ROBO2: variants seen among roughly 807,000 people sequenced by gnomAD.
The protein encoded by ROBO2 is roundabout guidance receptor 2.
In ROBO2, 53 loss-of-function variants were observed where a neutral mutation model predicts 160.8. The observed-to-expected ratio is 0.33, with a 90% confidence interval of 0.26 to 0.41. The LOEUF is 0.41. Among genes scored for constraint, ROBO2 ranks in the 10% least tolerant of loss-of-function variants. ROBO2 has a pLI of 1.00. For missense variants in ROBO2, 1,577 were observed against 1,722.4 expected (o/e 0.92, Z 1.49); for synonymous variants, 664 against 611.7 (o/e 1.09, Z -1.26).
At chr3:77,391,430 C>T (rs2074719903) in intron 2 of ROBO2, among the ~76,000 whole-genome samples, 2 of 152,014 alleles carry the variant, frequency 1.3e-5, no homozygotes, top group African/African-American at 4.8e-5. Flanking sequence ...ACTCAACCCC[C>T]AAGTAGCTTG....
chr3:77,418,629 C>T (rs113507859), intron 2 of ROBO2, among the ~76,000 whole-genome samples: 47 of 152,140 alleles, frequency 3.1e-4, no homozygotes, highest in Middle Eastern at 3.4e-3. Context: ...TATGACAGAT[C>T]GCTTACCCAA....
intron 6 of ROBO2, among the ~76,000 whole-genome samples, chr3:77,540,050 C>G (rs1458587258): frequency 2.6e-5 from 4 of 152,224 alleles, no homozygotes; most frequent in Non-Finnish European, 4.4e-5. Context: ...GAATGCTACA[C>G]GGAGAAGAAT....
At chr3:77,008,465 T>C (rs1362376132) in intron 2 of ROBO2, among the ~76,000 whole-genome samples, 2 of 152,146 alleles carry the variant, frequency 1.3e-5, no homozygotes, top group African/African-American at 4.8e-5. Flanking sequence ...AAAATGTACA[T>C]CGCTTGTAAT....
intron 2 of ROBO2, among the ~76,000 whole-genome samples, chr3:76,076,980 A>G (rs2068663235): frequency 6.6e-6 from 1 of 151,952 alleles, no homozygotes; most frequent in Non-Finnish European, 1.5e-5. Context: ...ATTGGCCAGT[A>G]TTTTTCTGTT....
intron 1 of ROBO2, among the ~76,000 whole-genome samples, chr3:77,090,186 G>A (rs2150010694): frequency 6.6e-6 from 1 of 151,876 alleles, no homozygotes; most frequent in South Asian, 2.1e-4. Flanking sequence ...GAGTTTTATG[G>A]GCTAAATTTT....
rs188190942 is a variant in ROBO2, at chr3:76,898,529, A to C, written c.110-199485A>C. 2.2e-3 allele frequency among the ~76,000 whole-genome samples: 339 copies of C among 152,274 alleles called. 2 individuals carry two copies. The highest frequency in any genetic ancestry group is 3.8e-3 in the Non-Finnish European group (256 of 67,988). ...ATATTTGTAAAACACATTTTTAATA[A>C]CAATGGGTTACATGCTAAGATCCTA... On this transcript the variant is annotated intron_variant, in intron 2 of 26. Coordinates refer to the ROBO2 transcript ENST00000487694.
chr3:77,296,440 A>G (rs1185176835), intron 2 of ROBO2, among the ~76,000 whole-genome samples: 3 of 152,170 alleles, frequency 2.0e-5, no homozygotes, highest in East Asian at 3.9e-4. Flanking sequence ...AACTGAGGCT[A>G]GGGCACGAAG....
At chr3:76,565,214 A>G (rs2084438073) in intron 2 of ROBO2, among the ~76,000 whole-genome samples, 1 of 152,232 alleles carries the variant, frequency 6.6e-6, no homozygotes, top group Non-Finnish European at 1.5e-5. Context: ...AGGAATACAG[A>G]TAAAAAATCC....
intron 2 of ROBO2, among the ~76,000 whole-genome samples, chr3:77,292,911 T>A (rs566158737): frequency 5.1e-4 from 72 of 141,256 alleles, no homozygotes; most frequent in African/African-American, 1.8e-3. Context: ...TGAGGCTAGA[T>A]CACCAAAGAC....
At chr3:77,646,978 T>G (rs535999531) in exon 26 of ROBO2, 11 of 152,658 alleles carry the variant, frequency 7.2e-5, no homozygotes, top group Non-Finnish European at 1.5e-4. Flanking sequence ...ATTTTCTGAA[T>G]TATCGTAATT....
chr3:76,952,652 A>G (rs1345526701), intron 2 of ROBO2, among the ~76,000 whole-genome samples: 1 of 152,084 alleles, frequency 6.6e-6, no homozygotes, highest in Non-Finnish European at 1.5e-5. Context: ...TATATGGCAC[A>G]TATTTTCATC....
At chr3:77,221,248 C>T (rs190807011) in intron 2 of ROBO2, among the ~76,000 whole-genome samples, 2 of 152,214 alleles carry the variant, frequency 1.3e-5, no homozygotes, top group Admixed American at 6.5e-5. Context: ...TATGTGGTTC[C>T]GTAAGCTGAC....
At chr3:76,161,913 G>A (rs2072654159) in intron 2 of ROBO2, among the ~76,000 whole-genome samples, 1 of 152,094 alleles carries the variant, frequency 6.6e-6, no homozygotes, top group South Asian at 2.1e-4. Flanking sequence ...AAATGAAAGG[G>A]TGACCTTTGA....
At chr3:76,151,255 T>C (rs980053445) in intron 2 of ROBO2, among the ~76,000 whole-genome samples, 1 of 152,168 alleles carries the variant, frequency 6.6e-6, no homozygotes, top group Non-Finnish European at 1.5e-5. Context: ...TTTCCTATAA[T>C]GCTCATATGG....
rs904986621 is a variant in ROBO2 at position 76,272,595 on chromosome 3, G to A, written c.109+334993G>A. Among the ~76,000 whole-genome samples the A allele has an allele frequency of 2.9e-4, 39 of 133,878 alleles. 1 individual carries two copies. The highest frequency in any genetic ancestry group is 9.2e-4 in the African/African-American group (35 of 38,026). 87.8% of individuals were successfully genotyped at this position (133,878 alleles called of 152,430 possible). A position where few individuals can be genotyped will look rare whatever the true frequency, so the allele number is the denominator to read the frequency against. On this transcript the variant is annotated intron_variant, in intron 2 of 26. Coordinates refer to the ROBO2 transcript ENST00000487694. ...GGAAAATCACTGGAATCTGGGAGGC[G>A]GAAGTTGCAGTGAGCTGAGATCATG...
Position 75,978,479 on chromosome 3 carries a change from A to G in ROBO2, c.109+40877A>G, listed in dbSNP as rs566051711. 4.0e-5 allele frequency among the ~76,000 whole-genome samples: 6 copies of G among 151,690 alleles called. No homozygotes were observed. The South Asian group carries it at 1.2e-3, about 31-fold the overall frequency. ...TATGTTTTACCAAAACATTTTCTAA[A>G]TGCTTCACAATTTTAAAATAAAGCA... On this transcript the variant is annotated intron_variant, in intron 2 of 26. Coordinates refer to the ROBO2 transcript ENST00000487694.
chr3:76,256,333 C>G (rs1559689913), intron 2 of ROBO2, among the ~76,000 whole-genome samples: 1 of 96,402 alleles, frequency 1.0e-5, no homozygotes, highest in African/African-American at 3.1e-5. Flanking sequence ...CTCTCTCTCT[C>G]TCTCTCTCTC....
intron 2 of ROBO2, among the ~76,000 whole-genome samples, chr3:76,194,812 G>T (rs1702185517): frequency 6.6e-6 from 1 of 152,064 alleles, no homozygotes; most frequent in Non-Finnish European, 1.5e-5. Flanking sequence ...TAGAGACGGG[G>T]TTTCACCATG....
intron 2 of ROBO2, among the ~76,000 whole-genome samples, chr3:77,227,888 C>A (rs1414302811): frequency 6.6e-6 from 1 of 152,340 alleles, no homozygotes; most frequent in Middle Eastern, 3.4e-3. Context: ...GACGCTATTA[C>A]CTCACCCTTG....
Sources: allele counts gnomAD v4.1 joint callset (sites outside exome capture counted in the v4.1 genomes callset), GRCh38; gene constraint gnomAD v4.1.1; transcripts MANE v1.5; gene names NCBI Gene and HGNC (gene_info 2026-07-23, HGNC 2026-07-21).